Variants in LMF1 observed in about 807,000 individuals in gnomAD.
LMF1 encodes lipase maturation factor 1.
Under a neutral mutation model 60.6 loss-of-function variants are expected in LMF1, and 68 were observed. The ratio of observed to expected loss-of-function variants is 1.12; its 90% confidence interval spans 0.92 to 1.37. The LOEUF (loss-of-function observed/expected upper bound fraction) is 1.37. Among genes scored for constraint, LMF1 ranks in the 40% most tolerant of loss-of-function variants. LMF1 has a pLI of 0.00. For missense variants in LMF1, 948 were observed against 767.2 expected (o/e 1.24, Z -2.78); for synonymous variants, 418 against 324.7 (o/e 1.29, Z -3.09).
intron 1 of LMF1, chr16:968,456 G>A (rs1395844988): frequency 1.3e-5 from 2 of 152,180 alleles, no homozygotes; most frequent in African/African-American, 2.4e-5. Flanking sequence ...AATATTTGGA[G>A]AGCCCCTATG....
At chr16:952,874 T>C (rs1421868225) in intron 2 of LMF1, among the ~76,000 whole-genome samples, 5 of 137,096 alleles carry the variant, frequency 3.6e-5, no homozygotes, top group South Asian at 2.3e-4. Context: ...ACCAGCCTCC[T>C]ACACATCCAC....
intron 5 of LMF1, among the ~76,000 whole-genome samples, chr16:888,274 C>T (rs146309497): frequency 2.5e-3 from 374 of 152,300 alleles, no homozygotes; most frequent in African/African-American, 8.4e-3. Context: ...GAAGTGGCTC[C>T]GAAAGGGGTG....
intron 9 of LMF1, 58 bp from the exon 10 acceptor site, chr16:869,114 C>T: frequency 8.8e-7 from 1 of 1,140,246 alleles, no homozygotes. Flanking sequence ...GGCACAGCCC[C>T]TCCGGACGCT....
intron 2 of LMF1, among the ~76,000 whole-genome samples, chr16:946,262 G>T (rs116340878): frequency 6.6e-6 from 1 of 152,380 alleles, no homozygotes. Flanking sequence ...GCCACGAAGG[G>T]GAGGGGACAG....
chr16:885,480 C>A (rs4984956), intron 5 of LMF1, among the ~76,000 whole-genome samples: 1 of 151,844 alleles, frequency 6.6e-6, no homozygotes, highest in Non-Finnish European at 1.5e-5. Flanking sequence ...CCCAAGCATA[C>A]GCCAGCTCTA....
chr16:954,958 C>A (rs71384618), intron 1 of LMF1, among the ~76,000 whole-genome samples: 5,967 of 58,514 alleles, frequency 0.1, 1,010 homozygotes, highest in African/African-American at 0.25. Flanking sequence ...GTGTGTGCAT[C>A]CACACACACA....
chr16:931,568 G>A, intron 3 of LMF1: 1 of 1,217,342 alleles, frequency 8.2e-7, no homozygotes, highest in Non-Finnish European at 1.1e-6. Context: ...CTCCCCAGAG[G>A]TCTCAGATCA....
chr16:884,726 A>G (rs1436642743), intron 5 of LMF1, among the ~76,000 whole-genome samples: 1 of 151,928 alleles, frequency 6.6e-6, no homozygotes, highest in Non-Finnish European at 1.5e-5. Context: ...TGGAGGGAGA[A>G]TGATCACGGA....
upstream of LMF1, among the ~76,000 whole-genome samples, chr16:971,277 C>G (rs1361414820): frequency 6.6e-6 from 1 of 152,252 alleles, no homozygotes; most frequent in African/African-American, 2.4e-5. Flanking sequence ...CTCACTGGGG[C>G]AGGCACGCGT....
In LMF1 at chr16:861,397, G is replaced by A. The variant is rs570601043; in HGVS notation, c.1530-6691C>T. On this transcript the variant is annotated intron_variant, in intron 10 of 10. Coordinates refer to ENST00000262301, the MANE Select transcript of LMF1 (RefSeq NM_022773.4). ...TTTTGAGATGGAGTTTCACTCTGTCGCCCAGGCTGGAGTGCAGTGACGCAA... is the reference window on the plus strand; with the variant it reads ...TTTTGAGATGGAGTTTCACTCTGTCACCCAGGCTGGAGTGCAGTGACGCAA... Among the ~76,000 whole-genome samples, 26 of 124,424 alleles carry A rather than the reference G, an allele frequency of 2.1e-4. 1 individual carries two copies. The East Asian group carries it at 2.3e-3, about 11-fold the overall frequency. 81.6% of individuals were successfully genotyped at this position (124,424 alleles called of 152,430 possible).
chr16:901,005 C>T (rs1488487238), intron 4 of LMF1: 1 of 152,096 alleles, frequency 6.6e-6, no homozygotes, highest in Admixed American at 6.5e-5. Flanking sequence ...CGGTGAGCAT[C>T]TGCACACCTG....
At chr16:889,505 T>C (rs1356036621) in intron 5 of LMF1, among the ~76,000 whole-genome samples, 1 of 151,982 alleles carries the variant, frequency 6.6e-6, no homozygotes, top group Non-Finnish European at 1.5e-5. Context: ...ATCCCCGGGG[T>C]GCATGGCTGC....
At chr16:930,132 G>T (rs78813580) in intron 3 of LMF1, among the ~76,000 whole-genome samples, 1 of 64,142 alleles carries the variant, frequency 1.6e-5, no homozygotes, top group African/African-American at 1.3e-4. Context: ...CAGCAGTGGT[G>T]GCGTCCGTCT....
At chr16:919,875 G>A (rs1042695989) in intron 3 of LMF1, among the ~76,000 whole-genome samples, 5 of 151,998 alleles carry the variant, frequency 3.3e-5, no homozygotes, top group African/African-American at 7.2e-5. Context: ...CCACAGCTCC[G>A]CCCCGGGACC....
intron 1 of LMF1, chr16:964,072 G>A (rs1225555998): frequency 1.8e-5 from 8 of 455,922 alleles, no homozygotes; most frequent in East Asian, 6.9e-5. Context: ...AGGAAATACC[G>A]AGGAAATACC....
chr16:884,279 C>G (rs1318919337), intron 5 of LMF1: 4 of 152,086 alleles, frequency 2.6e-5, no homozygotes, highest in Non-Finnish European at 5.9e-5. Flanking sequence ...GTACTACAAA[C>G]TACACATCAT....
At chr16:909,750 G>A (rs1027647426) in intron 4 of LMF1, among the ~76,000 whole-genome samples, 3 of 152,356 alleles carry the variant, frequency 2.0e-5, no homozygotes, top group East Asian at 3.9e-4. Flanking sequence ...GGGAGGAGCC[G>A]CCCAGCACTC....
intron 2 of LMF1, among the ~76,000 whole-genome samples, chr16:943,099 C>T (rs8054205): frequency 0.46 from 70,463 of 152,010 alleles, 17,608 homozygotes; most frequent in African/African-American, 0.65. Context: ...CGGCCGGGCA[C>T]GGTGGCTCAC....
intron 2 of LMF1, among the ~76,000 whole-genome samples, chr16:938,396 G>A (rs1467063830): frequency 6.6e-6 from 1 of 151,836 alleles, no homozygotes; most frequent in South Asian, 2.1e-4. Flanking sequence ...GCTGGACGGC[G>A]GCTCGCGGGG....
Sources: allele counts gnomAD v4.1 joint callset (sites outside exome capture counted in the v4.1 genomes callset), GRCh38; gene constraint gnomAD v4.1.1; transcripts MANE v1.5; gene names NCBI Gene and HGNC (gene_info 2026-07-23, HGNC 2026-07-21).